SNX9: variants seen among roughly 807,000 people sequenced by gnomAD.
The protein encoded by SNX9 is sorting nexin 9.
A neutral mutation model predicts 89.4 loss-of-function variants in SNX9; 44 were observed. That is an observed-to-expected ratio of 0.49 (90% CI 0.39 to 0.63). SNX9 has a LOEUF of 0.63. Among genes scored for constraint, SNX9 ranks in the 30% least tolerant of loss-of-function variants. The pLI, the probability that SNX9 is intolerant of heterozygous loss-of-function variation, is 0.00. For synonymous variants in SNX9, 236 were observed against 247.8 expected, an observed-to-expected ratio of 0.95 and a Z score of 0.45; for missense variants, 578 against 736.1, an observed-to-expected ratio of 0.79 and a Z score of 2.49.
intron 1 of SNX9, among the ~76,000 whole-genome samples, chr6:157,861,444 A>G (rs1415518678): frequency 6.6e-6 from 1 of 152,250 alleles, no homozygotes; most frequent in African/African-American, 2.4e-5. Context: ...CGTGCTCATC[A>G]GGCTTTCCGA....
intron 4 of SNX9, among the ~76,000 whole-genome samples, chr6:157,896,176 TTG>T (rs1782973122): frequency 6.6e-6 from 1 of 152,210 alleles, no homozygotes; most frequent in African/African-American, 2.4e-5. Flanking sequence ...TGTTGTAATT[TTG>T]TGTCTTTTGA....
chr6:157,872,004 T>G (rs1440094207), intron 2 of SNX9, among the ~76,000 whole-genome samples: 1 of 151,994 alleles, frequency 6.6e-6, no homozygotes, highest in African/African-American at 2.4e-5. Context: ...TGTCCTCAAG[T>G]TGCTATTGTG....
intron 9 of SNX9, among the ~76,000 whole-genome samples, chr6:157,910,496 TGAAG>T (rs2115179981): frequency 6.6e-6 from 1 of 152,308 alleles, no homozygotes; most frequent in South Asian, 2.1e-4. Flanking sequence ...TAAGTGTTAA[TGAAG>T]GAAGAAGCTG....
chr6:157,915,624 A>AAC (rs1783444954), intron 9 of SNX9, among the ~76,000 whole-genome samples: 1 of 54,818 alleles, frequency 1.8e-5, no homozygotes, highest in African/African-American at 1.2e-4. Flanking sequence ...CATCTCTACT[A>AAC]AAAAAAAAAA....
intron 1 of SNX9, among the ~76,000 whole-genome samples, chr6:157,827,401 A>G (rs1781388861): frequency 1.0e-4 from 2 of 19,868 alleles, no homozygotes; most frequent in Non-Finnish European, 1.3e-4. Context: ...TTTATATAAT[A>G]TATAAACATA....
At chr6:157,917,472 A>G (rs560304167) in intron 9 of SNX9, among the ~76,000 whole-genome samples, 5 of 152,126 alleles carry the variant, frequency 3.3e-5, no homozygotes, top group African/African-American at 7.2e-5. Context: ...TATAAAGTCT[A>G]CCTTATTGAG....
At chr6:157,872,098 G>A (rs1389487006) in intron 2 of SNX9, among the ~76,000 whole-genome samples, 5 of 151,922 alleles carry the variant, frequency 3.3e-5, no homozygotes, top group Non-Finnish European at 7.4e-5. Context: ...ACTAATTAGG[G>A]CATTATTTTA....
Position 157,906,219 on chromosome 6 carries a change from T to C in SNX9, c.705+7T>C, listed in dbSNP as rs1783212420. Reference sequence around the variant, plus strand: ...AGAGAAAATTCCCATCATTGTAAGTTTGTTTATTTTTGTTTGCTTTCTTTC... The same window carrying C: ...AGAGAAAATTCCCATCATTGTAAGTCTGTTTATTTTTGTTTGCTTTCTTTC... On this transcript the variant is annotated splice_region_variant and intron_variant, in intron 7 of 17. Transcript: ENST00000392185. The C allele has an allele frequency of 1.3e-6, 2 of 1,599,040 alleles. No homozygotes were observed.
intron 13 of SNX9, among the ~76,000 whole-genome samples, chr6:157,935,038 C>T (rs1783895633): frequency 6.6e-6 from 1 of 152,124 alleles, no homozygotes; most frequent in South Asian, 2.1e-4. Flanking sequence ...ATTTTTAAAT[C>T]CAGAATTATA....
intron 4 of SNX9, among the ~76,000 whole-genome samples, chr6:157,886,824 C>T (rs923614279): frequency 3.1e-4 from 47 of 151,860 alleles, no homozygotes; most frequent in African/African-American, 1.1e-3. Flanking sequence ...CTGACAGTAG[C>T]ATGGATGTAT....
rs548779627 is a variant in SNX9 at position 157,867,432 on chromosome 6, C to T, written c.13-115C>T. On this transcript the variant is annotated intron_variant, in intron 1 of 17. Coordinates refer to ENST00000392185, the MANE Select transcript of SNX9 (RefSeq NM_016224.5). The stretch of plus-strand genomic sequence containing the variant: ...ATGTCTTCCTTTCTTCCAAAACAGC[C>T]ACAGCCACTATCATGTTTGTACCAG... The T allele has an allele frequency of 1.2e-5, 9 of 745,122 alleles. No homozygotes were observed. The South Asian group carries it at 1.5e-4, about 13-fold the overall frequency. 46.2% of individuals were successfully genotyped at this position (745,122 alleles called of 1,614,324 possible).
In SNX9 at chr6:157,871,459, A is replaced by G. The variant is rs535981902; in HGVS notation, c.100-1643A>G. On this transcript the variant is annotated intron_variant, in intron 2 of 17. Transcript: ENST00000392185. ...ATGCTAGGTGTGCATGTTCTCATTCATAGGTGGGAATTGAACAATGAGAAC... is the reference window on the plus strand; with the variant it reads ...ATGCTAGGTGTGCATGTTCTCATTCGTAGGTGGGAATTGAACAATGAGAAC... 9.2e-5 allele frequency among the ~76,000 whole-genome samples: 14 copies of G among 152,074 alleles called. 1 individual carries two copies. In the South Asian group the frequency reaches 2.1e-3, roughly 23 times the overall value.
chr6:157,896,877 G>T lies in SNX9; in HGVS notation c.351G>T (p.Gly117=). ...PWSAWSASKS[G]NWESSEGWGA... ...CAGCCTGGAGTGCCTCCAAATCTGG[G>T]AACTGGGAAAGCTCAGAAGGCTGGG... The change falls in exon 5 of 18, where the codon GGG becomes GGT. Residue 117 remains glycine, a synonymous_variant. Transcript: ENST00000392185. 6.2e-7 allele frequency: 1 copy of T among 1,613,460 alleles called. No homozygotes were observed. The highest frequency in any genetic ancestry group is 8.5e-7 in the Non-Finnish European group (1 of 1,179,860).
intron 4 of SNX9, among the ~76,000 whole-genome samples, chr6:157,895,167 C>G (rs1782953592): frequency 6.6e-6 from 1 of 152,220 alleles, no homozygotes; most frequent in African/African-American, 2.4e-5. Flanking sequence ...TGGAATTGGG[C>G]TCTTTATGTG....
At position 157,944,137 on chromosome 6, in the gene SNX9, C is replaced by G. The variant is rs973632822; in HGVS notation, c.*1299C>G. On this transcript the variant is annotated 3_prime_UTR_variant, in exon 18 of 18. Transcript: ENST00000392185. ...CAACACTGGCAGCCACCGTCTCACC[C>G]CTGCGGAGGAGCGCTCCCGTCTCCC... 6.6e-6 allele frequency: 1 copy of G among 152,256 alleles called. No individual in the cohort carries two copies. Among genetic ancestry groups the G allele is most frequent in the East Asian group, 1.9e-4 (1 of 5,200 alleles). 9.4% of individuals were successfully genotyped at this position (152,256 alleles called of 1,614,324 possible).
In SNX9 at chr6:157,932,226, G is replaced by A. The variant is rs771231581; in HGVS notation, c.1320G>A (p.Lys440=). 83 of 1,614,072 alleles carry A rather than the reference G, an allele frequency of 5.1e-5. No individual in the cohort carries two copies. Among genetic ancestry groups the A allele is most frequent in the Non-Finnish European group, 6.7e-5 (79 of 1,180,034 alleles). Residue 440 remains lysine, a synonymous_variant, in exon 13 of 18, where the codon AAG becomes AAA. Coordinates refer to ENST00000392185, the MANE Select transcript of SNX9 (RefSeq NM_016224.5). ...PLPKEYQKIG[K]ALQSLATVFS... Reference sequence around the variant, plus strand: ...CCAAGGAATATCAGAAGATAGGAAAGGCCTTGCAGAGTTTGGCCACAGTGT... The same window carrying A: ...CCAAGGAATATCAGAAGATAGGAAAAGCCTTGCAGAGTTTGGCCACAGTGT...
chr6:157,846,401 C>T (rs1157485891), intron 1 of SNX9, among the ~76,000 whole-genome samples: 1 of 152,218 alleles, frequency 6.6e-6, no homozygotes, highest in Admixed American at 6.5e-5. Flanking sequence ...AGAGGAACTG[C>T]TGATAAAAAT....
intron 1 of SNX9, among the ~76,000 whole-genome samples, chr6:157,853,287 G>GT (rs1328042798): frequency 6.6e-6 from 1 of 152,048 alleles, no homozygotes; most frequent in Non-Finnish European, 1.5e-5. Flanking sequence ...GCTTGTACAT[G>GT]TTGTTCTTGA....
rs1456734061 is a variant in SNX9 at position 157,896,905 on chromosome 6, G to A, written c.379G>A (p.Ala127Thr). 3.1e-6 allele frequency: 5 copies of A among 1,613,384 alleles called. No individual in the cohort carries two copies. Among genetic ancestry groups the A allele is most frequent in the East Asian group, 2.2e-5 (1 of 44,846 alleles). ...GNWESSEGWG[A>T]QPEGAGAQRN... ...CTGGGAAAGCTCAGAAGGCTGGGGG[G>A]CCCAGCCAGAGGGGGCTGGAGCCCA... is the stretch of plus-strand genomic sequence containing the variant. Residue 127 changes from alanine (A) to threonine (T), a missense_variant, in exon 5 of 18, where the codon GCC (alanine) becomes ACC (threonine). Physicochemically the swap from Ala to Thr is moderately conservative, Grantham distance 58. Around this residue, in one of 2 missense-constraint regions of SNX9, gnomAD observed 230 missense variants for 244.7 expected, o/e 0.94. Transcript: ENST00000392185.
Sources: allele counts gnomAD v4.1 joint callset (sites outside exome capture counted in the v4.1 genomes callset), GRCh38; gene constraint gnomAD v4.1.1; regional missense constraint gnomAD v4.1.1; transcripts MANE v1.5; gene names NCBI Gene and HGNC (gene_info 2026-07-23, HGNC 2026-07-21).